Variants in SGIP1 observed in about 807,000 individuals in gnomAD.
SGIP1 encodes the protein SH3GL interacting endocytic adaptor 1.
Under a neutral mutation model 107.5 loss-of-function variants are expected in SGIP1, and 38 were observed. The observed-to-expected ratio is 0.35, with a 90% CI of 0.27 to 0.46. SGIP1 has a LOEUF of 0.46. Among genes scored for constraint, SGIP1 ranks in the 20% least tolerant of loss-of-function variants. The pLI, the probability that SGIP1 is intolerant of heterozygous loss-of-function variation, is 1.00. For synonymous variants in SGIP1, 365 were observed against 366.1 expected, an observed-to-expected ratio of 1.00 and a Z score of 0.03; for missense variants, 929 against 1,019.5, an observed-to-expected ratio of 0.91 and a Z score of 1.21.
chr1:66,579,724 C>T (rs530053913), intron 1 of SGIP1, among the ~76,000 whole-genome samples: 15 of 152,244 alleles, frequency 9.9e-5, no homozygotes, highest in African/African-American at 3.6e-4. Context: ...ATCACCTTTC[C>T]TAACTTTATA....
intron 1 of SGIP1, among the ~76,000 whole-genome samples, chr1:66,602,504 C>A (rs1368467656): frequency 6.6e-6 from 1 of 152,084 alleles, no homozygotes; most frequent in Non-Finnish European, 1.5e-5. Context: ...TGCCTCCCTG[C>A]CATGATTGTT....
intron 15 of SGIP1, among the ~76,000 whole-genome samples, chr1:66,685,949 T>C (rs2088108699): frequency 6.6e-6 from 1 of 152,226 alleles, no homozygotes; most frequent in Admixed American, 6.5e-5. Flanking sequence ...ACATATTTAG[T>C]GGTTTGTTCA....
At chr1:66,594,237 C>T (rs1011749503) in intron 1 of SGIP1, among the ~76,000 whole-genome samples, 2 of 152,018 alleles carry the variant, frequency 1.3e-5, no homozygotes, top group Non-Finnish European at 1.5e-5. Context: ...AGGTGTGTAC[C>T]TATCTAAAAT....
intron 18 of SGIP1, among the ~76,000 whole-genome samples, chr1:66,708,839 T>C (rs1225738505): frequency 1.3e-5 from 2 of 152,164 alleles, no homozygotes; most frequent in African/African-American, 2.4e-5. Context: ...CAGAGACTTA[T>C]GAAGAGGAAG....
intron 1 of SGIP1, among the ~76,000 whole-genome samples, chr1:66,613,632 A>G (rs1283921806): frequency 1.3e-5 from 2 of 152,150 alleles, no homozygotes; most frequent in African/African-American, 4.8e-5. Flanking sequence ...ACCCAGCCTA[A>G]AATCTAAGGT....
intron 1 of SGIP1, chr1:66,590,370 CAT>C (rs1441700403): frequency 2.0e-5 from 3 of 152,250 alleles, no homozygotes; most frequent in African/African-American, 7.2e-5. Context: ...AATTGGATGA[CAT>C]GTTAGAAAAT....
chr1:66,694,346 G>A, intron 17 of SGIP1: 3 of 1,017,396 alleles, frequency 2.9e-6, no homozygotes, highest in Non-Finnish European at 4.4e-6. Context: ...AATCATTCCT[G>A]TGTTTCAATC....
At chr1:66,661,031 T>C (rs1192409545) in intron 8 of SGIP1, among the ~76,000 whole-genome samples, 1 of 152,098 alleles carries the variant, frequency 6.6e-6, no homozygotes, top group Admixed American at 6.5e-5. Context: ...ATTGTCAGAG[T>C]CTGGAAAAGA....
At chr1:66,630,458 A>G (rs931722360) in intron 2 of SGIP1, among the ~76,000 whole-genome samples, 9 of 152,072 alleles carry the variant, frequency 5.9e-5, no homozygotes, top group Admixed American at 2.6e-4. Flanking sequence ...CCTAGTAAGA[A>G]TTACTCATAT....
chr1:66,638,784 TGCAGTTCAAGTG>T (rs1262357145), intron 4 of SGIP1, among the ~76,000 whole-genome samples: 2 of 152,188 alleles, frequency 1.3e-5, no homozygotes. Context: ...TTGTTTACAT[TGCAGTTCAAGTG>T]GCCTTTATTT....
chr1:66,696,991 A>G (rs1343882708), intron 18 of SGIP1, among the ~76,000 whole-genome samples: 1 of 152,208 alleles, frequency 6.6e-6, no homozygotes, highest in African/African-American at 2.4e-5. Flanking sequence ...TGGTCACACC[A>G]GATGATGCAG....
rs1416146321 is a variant in SGIP1, at chr1:66,633,057, C to A, written c.75-13C>A. On this transcript the variant is annotated splice_polypyrimidine_tract_variant and intron_variant, in intron 2 of 24. Coordinates refer to ENST00000371037, the MANE Select transcript of SGIP1 (RefSeq NM_032291.4). Reference sequence around the variant, plus strand: ...TCCTTATCATAATAGCTATCAATTTCTTTTTGTTACAGAGGTTCACCAGAT... The same window carrying A: ...TCCTTATCATAATAGCTATCAATTTATTTTTGTTACAGAGGTTCACCAGAT... 2.0e-6 allele frequency: 3 copies of A among 1,507,416 alleles called. No homozygotes were observed. Among genetic ancestry groups the A allele is most frequent in the African/African-American group, 2.8e-5 (2 of 72,538 alleles). The allele number at this position is 1,507,416 out of a possible 1,614,324, so 93.4% of individuals were successfully genotyped here.
chr1:66,673,133 C>G, intron 11 of SGIP1, 148 bp from the exon 12 acceptor site: 1 of 730,488 alleles, frequency 1.4e-6, no homozygotes, highest in Non-Finnish European at 2.4e-6. Flanking sequence ...CTTTCTAGCC[C>G]TAACGGGGCT....
intron 19 of SGIP1, among the ~76,000 whole-genome samples, chr1:66,720,979 C>T (rs2093502259): frequency 6.6e-6 from 1 of 152,104 alleles, no homozygotes; most frequent in East Asian, 1.9e-4. Context: ...TTAGTAACTC[C>T]ACCTTTAAGT....
chr1:66,723,178 T>G (rs2093617034), intron 19 of SGIP1, among the ~76,000 whole-genome samples: 1 of 152,140 alleles, frequency 6.6e-6, no homozygotes, highest in South Asian at 2.1e-4. Flanking sequence ...CAGGTGGAAA[T>G]AATGCCAGCC....
At chr1:66,560,336 C>T (rs998549888) in intron 1 of SGIP1, among the ~76,000 whole-genome samples, 1 of 152,054 alleles carries the variant, frequency 6.6e-6, no homozygotes, top group Non-Finnish European at 1.5e-5. Flanking sequence ...TTCAGGCCCA[C>T]CCTCATTAGT....
At chr1:66,719,486 T>C in intron 19 of SGIP1, 81 bp downstream of exon 19, 2 of 1,119,154 alleles carry the variant, frequency 1.8e-6, no homozygotes, top group Non-Finnish European at 1.2e-6. Context: ...ACCTTTTCAT[T>C]TTTTCTTTTA....
At chr1:66,733,959 A>G in intron 21 of SGIP1, 79 bp downstream of exon 21, 2 of 1,407,106 alleles carry the variant, frequency 1.4e-6, no homozygotes, top group Non-Finnish European at 1.9e-6. Flanking sequence ...AATAAAAGTA[A>G]CTAAAGTAAC....
Position 66,747,666 on chromosome 1 carries a change from C to T in SGIP1, c.*4571C>T, listed in dbSNP as rs1460709379. ...TTTTGACTTTACAAACATGTGGTAG[C>T]CTCATTCTAAAAGAGTTGCACGAAT... On this transcript the variant is annotated 3_prime_UTR_variant, in exon 25 of 25. Transcript: ENST00000371037. 1 of 151,880 alleles carries T rather than the reference C, an allele frequency of 6.6e-6. No homozygotes were observed. The highest frequency in any genetic ancestry group is 1.5e-5 in the Non-Finnish European group (1 of 67,862). 9.4% of individuals were successfully genotyped at this position (151,880 alleles called of 1,614,324 possible). A position where few individuals can be genotyped will look rare whatever the true frequency, so the allele number is the denominator to read the frequency against.
Sources: gnomAD v4.1 joint callset for allele counts (sites outside exome capture counted in the v4.1 genomes callset) on GRCh38, gnomAD v4.1.1 for gene constraint, MANE v1.5 for transcripts, NCBI Gene and HGNC (gene_info 2026-07-23, HGNC 2026-07-21) for gene names.